CLSTN1: variants seen among roughly 807,000 people sequenced by gnomAD.
The protein encoded by CLSTN1 is calsyntenin-1.
In CLSTN1, 28 loss-of-function variants were observed where a neutral mutation model predicts 108.3. The observed-to-expected ratio is 0.26, with a 90% CI of 0.19 to 0.35. CLSTN1 has a LOEUF of 0.35. Among genes scored for constraint, CLSTN1 ranks in the 10% least tolerant of loss-of-function variants. CLSTN1 has a pLI of 1.00. For synonymous variants in CLSTN1, 524 were observed against 534.9 expected, an observed-to-expected ratio of 0.98 and a Z score of 0.28; for missense variants, 1,157 against 1,302.6, an observed-to-expected ratio of 0.89 and a Z score of 1.72.
At position 9,763,087 on chromosome 1, in the gene CLSTN1, G is replaced by C. The variant is rs529456815; in HGVS notation, c.215-6577C>G. Among the ~76,000 whole-genome samples, 392 of 151,878 alleles carry C rather than the reference G, an allele frequency of 2.6e-3. 2 individuals carry two copies. The highest frequency in any genetic ancestry group is 4.8e-3 in the Non-Finnish European group (327 of 67,954). On this transcript the variant is annotated intron_variant, in intron 2 of 18. Transcript: ENST00000377298. ...AGTGATTCCTGTGCCTCAGCCTCCCGAGTAGCTGGGACTACAGGTGCACAC... is the reference window on the plus strand; with the variant it reads ...AGTGATTCCTGTGCCTCAGCCTCCCCAGTAGCTGGGACTACAGGTGCACAC...
intron 1 of CLSTN1, among the ~76,000 whole-genome samples, chr1:9,785,932 T>C (rs374262218): frequency 6.6e-6 from 1 of 151,950 alleles, no homozygotes; most frequent in Non-Finnish European, 1.5e-5. Context: ...TCCCAGCAAT[T>C]TGGGAGGTTG....
At position 9,816,926 on chromosome 1, in the gene CLSTN1, C is replaced by T. The variant is rs1009001139; in HGVS notation, c.91+6717G>A. Among the ~76,000 whole-genome samples, 33 of 152,168 alleles carry T rather than the reference C, an allele frequency of 2.2e-4. 1 individual carries two copies. The highest frequency in any genetic ancestry group is 1.6e-3 in the Admixed American group (25 of 15,282). Reference sequence around the variant, plus strand: ...CCTCCCGAAGTGCTAGGATTACAGACGTGAGCCACCGCACCCAGCCGGTGG... The same window carrying T: ...CCTCCCGAAGTGCTAGGATTACAGATGTGAGCCACCGCACCCAGCCGGTGG... On this transcript the variant is annotated intron_variant, in intron 1 of 18. Coordinates refer to ENST00000377298, the MANE Select transcript of CLSTN1 (RefSeq NM_001009566.3).
chr1:9,750,988 C>A (rs1010435417), intron 5 of CLSTN1, among the ~76,000 whole-genome samples: 1 of 151,796 alleles, frequency 6.6e-6, no homozygotes. Context: ...TCACTTGAAC[C>A]CGGGAGGCAG....
In CLSTN1 at chr1:9,735,568, G is replaced by C. The variant is rs774733895; in HGVS notation, c.1782C>G (p.Asp594Glu). The stretch of plus-strand genomic sequence containing the variant: ...GCATGGCCTTATCCAATTCCCCGAG[G>C]TCTTCTCCCTCCAAGGTCAATACCA... ...SQLVLTLEGE[D>E]LGELDKAMQH... Residue 594 changes from aspartate (D) to glutamate (E), a missense_variant, in exon 13 of 19, where the codon GAC becomes GAG. Transcript: ENST00000377298. 39 of 1,614,124 alleles carry C rather than the reference G, an allele frequency of 2.4e-5. No individual in the cohort carries two copies. In the South Asian group the frequency reaches 4.0e-4, roughly 16 times the overall value.
At chr1:9,796,564 G>A (rs1247620977) in intron 1 of CLSTN1, among the ~76,000 whole-genome samples, 7 of 149,686 alleles carry the variant, frequency 4.7e-5, no homozygotes, top group Admixed American at 1.4e-4. Context: ...GGCGCCTGTA[G>A]TCCCAGCAAC....
intron 9 of CLSTN1, among the ~76,000 whole-genome samples, chr1:9,742,865 C>T (rs1046419782): frequency 2.0e-5 from 3 of 151,594 alleles, no homozygotes; most frequent in Admixed American, 6.6e-5. Context: ...CCAAGATCTC[C>T]ACTGCACTCC....
intron 1 of CLSTN1, among the ~76,000 whole-genome samples, chr1:9,798,028 A>T (rs1480253820): frequency 6.6e-6 from 1 of 150,852 alleles, no homozygotes; most frequent in East Asian, 2.0e-4. Context: ...TGGGAGGTGG[A>T]GGTTGCAGTG....
At chr1:9,737,615 G>C in intron 10 of CLSTN1, 61 bp from the exon 11 acceptor site, 2 of 1,497,634 alleles carry the variant, frequency 1.3e-6, no homozygotes, top group Non-Finnish European at 1.9e-6. Flanking sequence ...CTTCAAACCG[G>C]ACCTTGAAAA....
chr1:9,735,093 G>A lies in CLSTN1; in HGVS notation c.1965C>T (p.Ile655=). Residue 655 remains isoleucine (I), a synonymous_variant, in exon 14 of 19, where the codon ATC becomes ATT. Coordinates refer to ENST00000377298, the MANE Select transcript of CLSTN1 (RefSeq NM_001009566.3). The part of the protein sequence containing the change: ...VMVLQPEEPK[I]SLSGVHHFAR... ...CAAAATGGTGGACGCCACTCAGGCT[G>A]ATCTTGGGCTCCTCGGGCTGTAAAA... 1 of 1,614,228 alleles carries A rather than the reference G, an allele frequency of 6.2e-7. No homozygotes were observed. Among genetic ancestry groups the A allele is most frequent in the Non-Finnish European group, 8.5e-7 (1 of 1,180,044 alleles).
intron 1 of CLSTN1, among the ~76,000 whole-genome samples, chr1:9,816,438 T>A (rs1654973060): frequency 1.3e-5 from 2 of 151,976 alleles, no homozygotes; most frequent in Non-Finnish European, 1.5e-5. Context: ...ATAGTGGTGA[T>A]GGTTGTGCAA....
chr1:9,812,936 G>T (rs1389142005), intron 1 of CLSTN1, among the ~76,000 whole-genome samples: 1 of 151,990 alleles, frequency 6.6e-6, no homozygotes, highest in Non-Finnish European at 1.5e-5. Context: ...GGCTGAGGTG[G>T]GAGGATCACT....
chr1:9,820,030 CTTT>C (rs879705237), intron 1 of CLSTN1, among the ~76,000 whole-genome samples: 1 of 142,208 alleles, frequency 7.0e-6, no homozygotes. Flanking sequence ...GATCCTTGAA[CTTT>C]TTTTTTTTTT....
chr1:9,730,512 T>C lies in CLSTN1; in HGVS notation c.2942A>G (p.Tyr981Cys), dbSNP rs753256517. 1.2e-6 allele frequency: 2 copies of C among 1,603,214 alleles called. No homozygotes were observed. Among genetic ancestry groups the C allele is most frequent in the South Asian group, 2.2e-5 (2 of 91,040 alleles). ...CGAGGTGGCCGGGGGCACGGGTCAG[T>C]AGCTGAGGGTGGAGTCATCCCACTC... ...QLEWDDSTLS[Y>C] is the part of the protein sequence containing the mutation. Residue 981 changes from tyrosine (Y) to cysteine (C), a missense_variant, in exon 19 of 19, where the codon TAC (tyrosine) becomes TGC (cysteine). By Grantham distance (194) the Tyr-to-Cys change is radical (BLOSUM62 -2). Transcript: ENST00000377298. The surrounding 1 kb of genome is among the most constrained non-coding windows in gnomAD (Gnocchi z 5.6).
At chr1:9,815,089 A>T (rs1219339526) in intron 1 of CLSTN1, among the ~76,000 whole-genome samples, 3 of 152,262 alleles carry the variant, frequency 2.0e-5, no homozygotes, top group Admixed American at 2.0e-4. Context: ...TTTCCTAAGA[A>T]ATCTACAGAA....
Position 9,751,627 on chromosome 1 carries a change from C to A in CLSTN1, c.495G>T (p.Lys165Asn). 3.7e-6 allele frequency: 6 copies of A among 1,614,146 alleles called. No homozygotes were observed. Among genetic ancestry groups the A allele is most frequent in the Non-Finnish European group, 4.2e-6 (5 of 1,180,024 alleles). ...NDVNEYAPVFKEKSYKATVIE... is the reference protein window; with the variant it reads ...NDVNEYAPVFNEKSYKATVIE... ...TGACCGTGGCTTTGTAGGACTTCTC[C>A]TTGAACACGGGCGCGTACTCATTCA... The change falls in exon 5 of 19, where the codon AAG (lysine) becomes AAT (asparagine). Residue 165 changes from lysine to asparagine, a missense_variant. Physicochemically the swap from Lys to Asn is moderately conservative, Grantham distance 94. Coordinates refer to ENST00000377298, the MANE Select transcript of CLSTN1 (RefSeq NM_001009566.3).
chr1:9,812,259 C>T (rs555714256), intron 1 of CLSTN1, among the ~76,000 whole-genome samples: 36 of 152,250 alleles, frequency 2.4e-4, no homozygotes, highest in Middle Eastern at 3.4e-3. Context: ...CCACTGAGAA[C>T]GGAGTAGAGC....
intron 2 of CLSTN1, among the ~76,000 whole-genome samples, chr1:9,772,635 A>G (rs540055441): frequency 6.6e-6 from 1 of 152,330 alleles, no homozygotes; most frequent in African/African-American, 2.4e-5. Flanking sequence ...GGAAAATGCT[A>G]TTAAGTGTTA....
At position 9,823,248 on chromosome 1, in the gene CLSTN1, A is replaced by T. The variant is rs887191642; in HGVS notation, c.91+395T>A. ...GCATCTCACCCAGGGGTGCAGCCCC[A>T]GCCTGCGTGCGCCGCTGAGCAGGGC... is the stretch of plus-strand genomic sequence containing the variant. On this transcript the variant is annotated intron_variant, in intron 1 of 18. Transcript: ENST00000377298. This position sits in a 1 kb window ranked among gnomAD's most constrained non-coding sequence, Gnocchi z 6.3. Among the ~76,000 whole-genome samples, 2 of 152,176 alleles carry T rather than the reference A, an allele frequency of 1.3e-5. No homozygotes were observed. The highest frequency in any genetic ancestry group is 2.9e-5 in the Non-Finnish European group (2 of 68,012).
At chr1:9,761,161 TAGG>T (rs1652052008) in intron 2 of CLSTN1, among the ~76,000 whole-genome samples, 1 of 152,200 alleles carries the variant, frequency 6.6e-6, no homozygotes, top group South Asian at 2.1e-4. Context: ...TTCATTCCCC[TAGG>T]AGATCATCTA....
Sources: allele counts gnomAD v4.1 joint callset (sites outside exome capture counted in the v4.1 genomes callset), GRCh38; gene constraint gnomAD v4.1.1; non-coding constraint Gnocchi (gnomAD v3.1); transcripts MANE v1.5; gene names NCBI Gene and HGNC (gene_info 2026-07-23, HGNC 2026-07-21).